Variants in MSL3 observed in about 807,000 individuals in gnomAD.
MSL3 encodes the protein MSL3-like 1.
A neutral mutation model predicts 37.2 loss-of-function variants in MSL3; 5 were observed. The ratio of observed to expected loss-of-function variants is 0.13; its 90% CI spans 0.07 to 0.28. The LOEUF is 0.28. Among genes scored for constraint, MSL3 ranks in the 10% least tolerant of loss-of-function variants. The pLI, the probability that MSL3 is intolerant of heterozygous loss-of-function variation, is 1.00. For synonymous variants in MSL3, 149 were observed against 147.6 expected, an observed-to-expected ratio of 1.01 and a Z score of -0.07; for missense variants, 315 against 408.5, an observed-to-expected ratio of 0.77 and a Z score of 1.97.
chrX:11,764,726 C>T (rs1185015452), intron 8 of MSL3, among the ~76,000 whole-genome samples: 4 of 112,111 alleles, frequency 3.6e-5, no homozygotes, highest in Admixed American at 9.4e-5. Context: ...CCCTTTTTCT[C>T]GGCCACCTTG....
chrX:11,758,633 C>G (rs370943774), intron 1 of MSL3: 46 of 1,155,852 alleles, frequency 4.0e-5, no homozygotes, highest in Non-Finnish European at 5.1e-5. Flanking sequence ...CCGGGGCTAC[C>G]GTTTGCGCCC....
chrX:11,763,671 A>G lies in MSL3; in HGVS notation c.750-109A>G, dbSNP rs1441497727. ...TTTTGTGTGTATGTAGGTGTAGTAT[A>G]TAATGATTAGATTTAAAACTGCCCT... On this transcript the variant is annotated intron_variant, in intron 7 of 12. Coordinates refer to ENST00000312196, the MANE Select transcript of MSL3 (RefSeq NM_078629.4). The G allele has an allele frequency of 1.1e-5, 6 of 570,229 alleles. No homozygotes were observed. The East Asian group carries it at 1.3e-4, about 13-fold the overall frequency. 47.0% of individuals were successfully genotyped at this position (570,229 alleles called of 1,213,427 possible).
At chrX:11,762,791 G>A (rs985519964) in intron 6 of MSL3, 46 bp from the exon 7 acceptor site, 1 of 1,115,054 alleles carries the variant, frequency 9.0e-7, no homozygotes, top group East Asian at 3.1e-5. Flanking sequence ...TATGTGGTTT[G>A]TTACATTAGG....
intron 5 of MSL3, among the ~76,000 whole-genome samples, chrX:11,761,927 T>C (rs1034072686): frequency 4.5e-5 from 5 of 112,014 alleles, no homozygotes; most frequent in African/African-American, 1.3e-4. Flanking sequence ...TAAACTGAAA[T>C]GGGAAAGAAA....
Position 11,767,071 on chromosome X carries a change from A to ACATCCTG in MSL3, c.1171+1343_1171+1349dup, listed in dbSNP as rs1043398478. On this transcript the variant is annotated intron_variant, in intron 9 of 12. Coordinates refer to ENST00000312196, the MANE Select transcript of MSL3 (RefSeq NM_078629.4). ...TGTTCAGGTGCCCATTTCCTTGTGT[A>ACATCCTG]CATCCTGTCCCTGCCACATCCATAA... The ACATCCTG allele has an allele frequency of 8.8e-5, 66 of 751,948 alleles. No individual in the cohort carries two copies. The African/African-American group carries it at 1.5e-3, about 17-fold the overall frequency. The allele number at this position is 751,948 out of a possible 1,213,427, so 62.0% of individuals were successfully genotyped here.
At position 11,768,075 on chromosome X, in the gene MSL3, G is replaced by GTGTCAA. The variant is rs1448439526; in HGVS notation, c.1172-498_1172-497insTGTCAA. 1.4e-5 allele frequency: 5 copies of GTGTCAA among 362,272 alleles called. No individual in the cohort carries two copies. In the African/African-American group the frequency reaches 1.4e-4, roughly 10 times the overall value. The allele number at this position is 362,272 out of a possible 1,213,427, so 29.9% of individuals were successfully genotyped here. A position where few individuals can be genotyped will look rare whatever the true frequency, so the allele number is the denominator to read the frequency against. On this transcript the variant is annotated intron_variant, in intron 9 of 12. Coordinates refer to ENST00000312196, the MANE Select transcript of MSL3 (RefSeq NM_078629.4). Reference sequence around the variant, plus strand: ...GTGAATAATTCAGTGGCACTTAACAGCTTCATTGACACATCCACATATACA... The same window carrying GTGTCAA: ...GTGAATAATTCAGTGGCACTTAACAGTGTCAACTTCATTGACACATCCACATATACA...
At chrX:11,758,625 G>C in intron 1 of MSL3, 1 of 1,149,882 alleles carries the variant, frequency 8.7e-7, no homozygotes, top group Middle Eastern at 2.6e-4. Context: ...TCGCGTTACC[G>C]GGGCTACCGT....
chrX:11,773,809 T>A (rs982672768), intron 12 of MSL3, among the ~76,000 whole-genome samples: 1 of 112,332 alleles, frequency 8.9e-6, no homozygotes, highest in African/African-American at 3.2e-5. Context: ...TAAGAGGTTT[T>A]AAAAACGTAT....
Position 11,758,803 on chromosome X carries a change from C to T in MSL3, c.102+438C>T, listed in dbSNP as rs748326547. 1.8e-5 allele frequency: 21 copies of T among 1,148,861 alleles called. No individual in the cohort carries two copies. The highest frequency in any genetic ancestry group is 2.3e-4 in the Middle Eastern group (1 of 4,289). 94.7% of individuals were successfully genotyped at this position (1,148,861 alleles called of 1,213,427 possible). On this transcript the variant is annotated intron_variant, in intron 1 of 12. Coordinates refer to ENST00000312196, the MANE Select transcript of MSL3 (RefSeq NM_078629.4). Reference sequence around the variant, plus strand: ...TAATTCATAGTTACACGGCGCTGGCCGCTGACTTGCGACGTTGTGTCCCTG... The same window carrying T: ...TAATTCATAGTTACACGGCGCTGGCTGCTGACTTGCGACGTTGTGTCCCTG...
intron 10 of MSL3, among the ~76,000 whole-genome samples, 176 bp from the exon 11 acceptor site, chrX:11,771,980 T>C (rs1449237275): frequency 8.9e-6 from 1 of 112,412 alleles, no homozygotes; most frequent in Admixed American, 9.4e-5. Context: ...TTAAAGACTT[T>C]CTTGATCTAT....
At chrX:11,765,072 C>T (rs958097070) in intron 8 of MSL3, among the ~76,000 whole-genome samples, 7 of 112,799 alleles carry the variant, frequency 6.2e-5, no homozygotes, top group African/African-American at 3.2e-5. Context: ...TTCTCAGCCT[C>T]GGCCCTATTG....
At position 11,768,073 on chromosome X, in the gene MSL3, CA is replaced by C. The variant is rs1284271154; in HGVS notation, c.1172-499del. 6 of 381,714 alleles carry C rather than the reference CA, an allele frequency of 1.6e-5. No homozygotes were observed. The African/African-American group carries it at 1.7e-4, about 11-fold the overall frequency. The allele number at this position is 381,714 out of a possible 1,213,427, so 31.5% of individuals were successfully genotyped here. On this transcript the variant is annotated intron_variant, in intron 9 of 12. Transcript: ENST00000312196. ...AAGTGAATAATTCAGTGGCACTTAA[CA>C]GCTTCATTGACACATCCACATATAC...
intron 4 of MSL3, among the ~76,000 whole-genome samples, chrX:11,761,218 C>G (rs1457050502): frequency 8.9e-6 from 1 of 112,155 alleles, no homozygotes; most frequent in East Asian, 2.8e-4. Flanking sequence ...TTGGCACCTC[C>G]CAGGCCTTGG....
intron 8 of MSL3, 99 bp from the exon 9 acceptor site, chrX:11,765,368 G>C: frequency 9.8e-7 from 1 of 1,016,930 alleles, no homozygotes; most frequent in Non-Finnish European, 1.3e-6. Context: ...ACATATTTAC[G>C]ACCCTCCTGG....
intron 9 of MSL3, chrX:11,765,954 C>T: frequency 9.7e-7 from 1 of 1,029,080 alleles, no homozygotes; most frequent in Non-Finnish European, 1.2e-6. Flanking sequence ...GCTGTTTCCT[C>T]AGCCTTTCTT....
intron 3 of MSL3, 143 bp from the exon 4 acceptor site, chrX:11,760,694 T>G: frequency 1.7e-6 from 1 of 574,339 alleles, no homozygotes. Flanking sequence ...TTGTATAATT[T>G]TCTGAAATGG....
chrX:11,768,482 A>G lies in MSL3; in HGVS notation c.1172-91A>G, dbSNP rs144522746. On this transcript the variant is annotated intron_variant, in intron 9 of 12. Coordinates refer to ENST00000312196, the MANE Select transcript of MSL3 (RefSeq NM_078629.4). ...AAAGGTTGGTAATTTCTGAGAACCA[A>G]GTTTAGATTTATGTTCTGCAGTTTT... is the stretch of plus-strand genomic sequence containing the variant. 4 of 581,813 alleles carry G rather than the reference A, an allele frequency of 6.9e-6. No homozygotes were observed. The African/African-American group carries it at 9.1e-5, about 13-fold the overall frequency. 47.9% of individuals were successfully genotyped at this position (581,813 alleles called of 1,213,427 possible). A position where few individuals can be genotyped will look rare whatever the true frequency, so the allele number is the denominator to read the frequency against.
In MSL3 at chrX:11,768,595, ATCT is replaced by A. The variant is rs2053205905; in HGVS notation, c.1197_1199del (p.Ser400del). On this transcript the variant is annotated inframe_deletion, in exon 10 of 13. Coordinates refer to ENST00000312196, the MANE Select transcript of MSL3 (RefSeq NM_078629.4). ...AAGAGACACCTGTGCATAGCAGATC[ATCT>A]TCACCTATTCCTCTGACTCCTAGCA... 8.3e-7 allele frequency: 1 copy of A among 1,202,669 alleles called. No individual in the cohort carries two copies. Among genetic ancestry groups the A allele is most frequent in the South Asian group, 1.8e-5 (1 of 56,663 alleles).
Position 11,762,255 on chromosome X carries a change from A to G in MSL3, c.588+3A>G, listed in dbSNP as rs760638231. On this transcript the variant is annotated splice_donor_region_variant and intron_variant, in intron 6 of 12. Transcript: ENST00000312196. ...ACTACATTAACAGGAGGAAACGGGTATGTAGGGAGAATGTATAAAACATTA... is the reference window on the plus strand; with the variant it reads ...ACTACATTAACAGGAGGAAACGGGTGTGTAGGGAGAATGTATAAAACATTA... The G allele has an allele frequency of 3.8e-5, 44 of 1,146,053 alleles. No individual in the cohort carries two copies. Among genetic ancestry groups the G allele is most frequent in the Non-Finnish European group, 4.8e-5 (42 of 867,517 alleles). The allele number at this position is 1,146,053 out of a possible 1,213,427, so 94.4% of individuals were successfully genotyped here.
Sources: gnomAD v4.1 joint callset for allele counts (sites outside exome capture counted in the v4.1 genomes callset) on GRCh38, gnomAD v4.1.1 for gene constraint, MANE v1.5 for transcripts, NCBI Gene and HGNC (gene_info 2026-07-23, HGNC 2026-07-21) for gene names.